Variants in SMIM3 observed in about 807,000 individuals in gnomAD.
The protein encoded by SMIM3 is small integral membrane protein 3, also known as NGF-induced differentiation clone 67 protein.
A neutral mutation model predicts 2.1 loss-of-function variants in SMIM3; 4 were observed. That is an observed-to-expected ratio of 1.89 (90% confidence interval 0.93 to 4.31). The LOEUF is 4.31. SMIM3 is among the 30% of genes most tolerant of loss of function. SMIM3 has a pLI of 0.01. For missense variants in SMIM3, 79 were observed against 77.7 expected, an observed-to-expected ratio of 1.02 and a Z score of -0.06; for synonymous variants, 29 against 30.8, an observed-to-expected ratio of 0.94 and a Z score of 0.19.
At chr5:150,789,412 A>G (rs916436098) in intron 1 of SMIM3, among the ~76,000 whole-genome samples, 2 of 152,188 alleles carry the variant, frequency 1.3e-5, no homozygotes, top group Non-Finnish European at 2.9e-5. Context: ...CCCATGTTAC[A>G]TGGGGAAGAA....
chr5:150,779,075 C>T (rs1403506926), intron 1 of SMIM3, 103 bp downstream of exon 1: 2 of 447,790 alleles, frequency 4.5e-6, no homozygotes, highest in Non-Finnish European at 9.2e-6. Context: ...GGGCTCCCAA[C>T]GTTCTTCTTT....
In SMIM3 at chr5:150,795,532, T is replaced by C. The variant is rs780575873; in HGVS notation, c.92T>C (p.Ile31Thr). ...ATTGTCCTCATCATCCTGGCCACCA[T>C]TGTCATCATGACCTCGTTGTTGCTG... ...WVIVLIILAT[I>T]VIMTSLLLCP... is the part of the protein sequence containing the mutation. The change falls in exon 2 of 2, where the codon ATT (isoleucine) becomes ACT (threonine). Residue 31 changes from isoleucine to threonine, a missense_variant. By Grantham distance (89) the Ile-to-Thr change is moderately conservative (BLOSUM62 -1). Transcript: ENST00000526627. The C allele has an allele frequency of 6.8e-6, 11 of 1,612,156 alleles. No individual in the cohort carries two copies. Among genetic ancestry groups the C allele is most frequent in the South Asian group, 4.4e-5 (4 of 91,050 alleles).
At chr5:150,787,457 C>T (rs1334108354) in intron 1 of SMIM3, among the ~76,000 whole-genome samples, 1 of 152,166 alleles carries the variant, frequency 6.6e-6, no homozygotes, top group Non-Finnish European at 1.5e-5. Context: ...CAGCTGAAAA[C>T]AGTGTTTGAC....
In SMIM3 at chr5:150,795,984, C is replaced by G. The variant is rs1753400838; in HGVS notation, c.*361C>G. 4.1e-6 allele frequency: 1 copy of G among 243,410 alleles called. No homozygotes were observed. The highest frequency in any genetic ancestry group is 6.1e-5 in the South Asian group (1 of 16,296). The allele number at this position is 243,410 out of a possible 1,614,324, so 15.1% of individuals were successfully genotyped here. A position where few individuals can be genotyped will look rare whatever the true frequency, so the allele number is the denominator to read the frequency against. On this transcript the variant is annotated 3_prime_UTR_variant, in exon 2 of 2. Transcript: ENST00000526627. The stretch of plus-strand genomic sequence containing the variant: ...AGAGAACCTGATTGCTGATGATGGC[C>G]TTAAAGGTGGTGAGGGAGATACTGG...
At chr5:150,782,712 T>C (rs1255532846) in intron 1 of SMIM3, among the ~76,000 whole-genome samples, 1 of 152,218 alleles carries the variant, frequency 6.6e-6, no homozygotes, top group African/African-American at 2.4e-5. Flanking sequence ...GTTCTGACTT[T>C]TAGAATCACT....
intron 1 of SMIM3, among the ~76,000 whole-genome samples, chr5:150,781,212 T>C (rs1753229773): frequency 6.6e-6 from 1 of 152,106 alleles, no homozygotes; most frequent in Non-Finnish European, 1.5e-5. Context: ...TTCATTGGAA[T>C]TGGGGGGAAC....
chr5:150,794,991 T>C (rs1385149629), intron 1 of SMIM3, among the ~76,000 whole-genome samples: 3 of 152,040 alleles, frequency 2.0e-5, no homozygotes, highest in Admixed American at 2.0e-4. Flanking sequence ...GCATCTCTCA[T>C]TTTATAGATG....
At chr5:150,780,043 C>A (rs896663213) in intron 1 of SMIM3, among the ~76,000 whole-genome samples, 1 of 152,136 alleles carries the variant, frequency 6.6e-6, no homozygotes, top group African/African-American at 2.4e-5. Flanking sequence ...TGCGCAATCA[C>A]ACAAGTATCA....
chr5:150,782,644 G>A (rs1002175697), intron 1 of SMIM3, among the ~76,000 whole-genome samples: 21 of 152,156 alleles, frequency 1.4e-4, no homozygotes, highest in African/African-American at 5.1e-4. Flanking sequence ...CTTCCTGAAT[G>A]TACAAAGAGC....
chr5:150,791,436 C>T (rs1003008643), intron 1 of SMIM3, among the ~76,000 whole-genome samples: 8 of 152,066 alleles, frequency 5.3e-5, no homozygotes, highest in Admixed American at 2.6e-4. Flanking sequence ...CTGGTGACCA[C>T]CAGAGGCTTT....
chr5:150,779,178 G>A (rs571283633), intron 1 of SMIM3, among the ~76,000 whole-genome samples: 72 of 152,164 alleles, frequency 4.7e-4, no homozygotes, highest in African/African-American at 1.7e-3. Flanking sequence ...CAGCTCTTAA[G>A]TTCGAGCCTC....
Position 150,778,962 on chromosome 5 carries a change from C to T in SMIM3, c.-22C>T, listed in dbSNP as rs1428123902. 2 of 509,578 alleles carry T rather than the reference C, an allele frequency of 3.9e-6. No individual in the cohort carries two copies. The highest frequency in any genetic ancestry group is 4.0e-6 in the Non-Finnish European group (1 of 248,930). 31.6% of individuals were successfully genotyped at this position (509,578 alleles called of 1,614,324 possible). On this transcript the variant is annotated 5_prime_UTR_variant, in exon 1 of 2. Coordinates refer to ENST00000526627, the MANE Select transcript of SMIM3 (RefSeq NM_032947.5). Reference sequence around the variant, plus strand: ...ACCCAGGAACTTTCCGCAGACTCGCCGCCATCTGGGGTGAGTGGGGCCACC... The same window carrying T: ...ACCCAGGAACTTTCCGCAGACTCGCTGCCATCTGGGGTGAGTGGGGCCACC...
intron 1 of SMIM3, among the ~76,000 whole-genome samples, chr5:150,786,099 T>C (rs2113202039): frequency 6.7e-6 from 1 of 148,278 alleles, no homozygotes; most frequent in Non-Finnish European, 1.5e-5. Flanking sequence ...CTCTCTTACC[T>C]ATTTCTTTTT....
chr5:150,791,427 TGGTGACCAC>T (rs1161337841), intron 1 of SMIM3, among the ~76,000 whole-genome samples: 1 of 152,106 alleles, frequency 6.6e-6, no homozygotes, highest in Non-Finnish European at 1.5e-5. Flanking sequence ...TTCCAGCCTC[TGGTGACCAC>T]CAGAGGCTTT....
intron 1 of SMIM3, among the ~76,000 whole-genome samples, chr5:150,782,316 T>C (rs1472449219): frequency 6.6e-6 from 1 of 152,140 alleles, no homozygotes; most frequent in African/African-American, 2.4e-5. Flanking sequence ...CTTCCAAGAG[T>C]AAATGTGAAG....
chr5:150,795,225 T>C (rs1341346582), intron 1 of SMIM3, among the ~76,000 whole-genome samples: 2 of 152,382 alleles, frequency 1.3e-5, no homozygotes, highest in African/African-American at 4.8e-5. Flanking sequence ...AAGGACTGAA[T>C]GTGTTAATAG....
chr5:150,786,345 T>A (rs1753293536), intron 1 of SMIM3, among the ~76,000 whole-genome samples: 1 of 152,198 alleles, frequency 6.6e-6, no homozygotes, highest in South Asian at 2.1e-4. Context: ...TGGAGTGCAG[T>A]GGCCCAGTCA....
chr5:150,781,045 C>G (rs973336593), intron 1 of SMIM3, among the ~76,000 whole-genome samples: 1 of 152,178 alleles, frequency 6.6e-6, no homozygotes, highest in Admixed American at 6.5e-5. Flanking sequence ...TTAGGCTTTA[C>G]CACAATCCTA....
intron 1 of SMIM3, among the ~76,000 whole-genome samples, chr5:150,786,376 C>A (rs1277825834): frequency 1.3e-5 from 2 of 152,306 alleles, no homozygotes; most frequent in African/African-American, 4.8e-5. Context: ...TAGCCCTAGC[C>A]TCCTGGGCTC....
Sources: gnomAD v4.1 joint callset for allele counts (sites outside exome capture counted in the v4.1 genomes callset) on GRCh38, gnomAD v4.1.1 for gene constraint, MANE v1.5 for transcripts, NCBI Gene and HGNC (gene_info 2026-07-23, HGNC 2026-07-21) for gene names.